Variants in KDM5A observed in about 807,000 individuals in gnomAD.
The protein encoded by KDM5A is lysine-specific demethylase 5A.
In KDM5A, 42 loss-of-function variants were observed where a neutral mutation model predicts 193.5. The ratio of observed to expected loss-of-function variants is 0.22; its 90% CI spans 0.17 to 0.28. The LOEUF is 0.28. KDM5A is among the 10% of genes least tolerant of loss of function. The probability of loss-of-function intolerance (pLI) is 1.00; values close to 1 mark genes in which losing one functional copy is unlikely to be tolerated. For synonymous variants in KDM5A, 796 were observed against 718.1 expected (o/e 1.11, Z -1.73); for missense variants, 1,692 against 2,055.1 (o/e 0.82, Z 3.42).
intron 24 of KDM5A, among the ~76,000 whole-genome samples, chr12:303,272 C>A (rs1943467738): frequency 6.6e-6 from 1 of 152,104 alleles, no homozygotes; most frequent in Non-Finnish European, 1.5e-5. Flanking sequence ...CAAATGCCCA[C>A]CAATGATAGA....
intron 10 of KDM5A, among the ~76,000 whole-genome samples, chr12:337,523 A>G (rs980302034): frequency 3.9e-5 from 6 of 152,244 alleles, no homozygotes; most frequent in Non-Finnish European, 8.8e-5. Flanking sequence ...ATTAGAAAAA[A>G]AGATGAGATC....
chr12:374,202 T>A (rs1471668739), intron 3 of KDM5A, among the ~76,000 whole-genome samples: 1 of 152,192 alleles, frequency 6.6e-6, no homozygotes, highest in Admixed American at 6.5e-5. Flanking sequence ...CCCATTATCA[T>A]TGTGTGGGAG....
intron 25 of KDM5A, among the ~76,000 whole-genome samples, chr12:296,450 ATAAAG>A (rs1943375606): frequency 6.6e-6 from 1 of 152,218 alleles, no homozygotes; most frequent in Admixed American, 6.5e-5. Flanking sequence ...TAAGCATTTA[ATAAAG>A]CATTTGGCTG....
Position 331,698 on chromosome 12 carries a change from T to G in KDM5A, c.1773+121A>C, listed in dbSNP as rs1166379579. On this transcript the variant is annotated intron_variant, in intron 13 of 27. Transcript: ENST00000399788. ...TTCTAAACTACAATAGCCACTCCAG[T>G]CTCCACTAAAATACTGATGAACCCG... The G allele has an allele frequency of 3.0e-6, 3 of 988,948 alleles. No homozygotes were observed. The Admixed American group carries it at 5.3e-5, about 17-fold the overall frequency. The allele number at this position is 988,948 out of a possible 1,614,324, so 61.3% of individuals were successfully genotyped here. A position where few individuals can be genotyped will look rare whatever the true frequency, so the allele number is the denominator to read the frequency against.
Position 325,290 on chromosome 12 carries a change from T to C in KDM5A, c.1969-1509A>G, listed in dbSNP as rs373313248. ...AAAGCTGTTCTCAAGGGAATGCTCA[T>C]GTGGCAACTGAGACACTTCTGGCTG... On this transcript the variant is annotated intron_variant, in intron 14 of 27. Transcript: ENST00000399788. Among the ~76,000 whole-genome samples, 5 of 152,352 alleles carry C rather than the reference T, an allele frequency of 3.3e-5. No individual in the cohort carries two copies. The East Asian group carries it at 7.7e-4, about 23-fold the overall frequency.
At chr12:325,085 C>T (rs1275272291) in intron 14 of KDM5A, among the ~76,000 whole-genome samples, 1 of 152,230 alleles carries the variant, frequency 6.6e-6, no homozygotes, top group Admixed American at 6.5e-5. Context: ...TTTCATCATA[C>T]ACTGTTTTTG....
At chr12:297,536 G>A (rs933333568) in intron 24 of KDM5A, among the ~76,000 whole-genome samples, 14 of 152,074 alleles carry the variant, frequency 9.2e-5, no homozygotes, top group South Asian at 2.1e-4. Flanking sequence ...ATTTTCACCC[G>A]GGTTTTCTAA....
At chr12:309,363 T>C (rs1473483824) in intron 22 of KDM5A, among the ~76,000 whole-genome samples, 1 of 152,244 alleles carries the variant, frequency 6.6e-6, no homozygotes, top group Non-Finnish European at 1.5e-5. Context: ...TTGGGGTCTT[T>C]ATTTTAAAAG....
chr12:293,318 A>T (rs1943324178), intron 26 of KDM5A, 149 bp from the exon 27 acceptor site: 1 of 669,654 alleles, frequency 1.5e-6, no homozygotes, highest in Non-Finnish European at 2.4e-6. Flanking sequence ...GAAGAAATGG[A>T]GATTTGTTTA....
intron 18 of KDM5A, among the ~76,000 whole-genome samples, chr12:318,876 C>CTCTGGT (rs1488897038): frequency 1.3e-5 from 2 of 152,066 alleles, no homozygotes; most frequent in Non-Finnish European, 2.9e-5. Context: ...CAGAGAATGA[C>CTCTGGT]CAGAGTGGGG....
chr12:317,603 G>C (rs1055098285), intron 19 of KDM5A, among the ~76,000 whole-genome samples: 2 of 152,198 alleles, frequency 1.3e-5, no homozygotes, highest in South Asian at 4.1e-4. Flanking sequence ...AGCCCCATTT[G>C]ATAACTTAGC....
chr12:372,373 A>G (rs1446084771), intron 3 of KDM5A, among the ~76,000 whole-genome samples: 6 of 152,154 alleles, frequency 3.9e-5, no homozygotes, highest in Non-Finnish European at 8.8e-5. Context: ...TGTGAATGGG[A>G]GTTCACTCAT....
chr12:365,970 G>A lies in KDM5A; in HGVS notation c.501C>T (p.Tyr167=), dbSNP rs1398458923. 1 of 1,613,972 alleles carries A rather than the reference G, an allele frequency of 6.2e-7. No individual in the cohort carries two copies. ...CACCAGACTGGAAAAGCTCATATGGGTAGAGAATTCTTTCATAATGTGACT... is the reference window on the plus strand; with the variant it reads ...CACCAGACTGGAAAAGCTCATATGGATAGAGAATTCTTTCATAATGTGACT... ...LLKSHYERIL[Y]PYELFQSGVS... Residue 167 remains tyrosine, a synonymous_variant, in exon 4 of 28, where the codon TAC becomes TAT. Coordinates refer to ENST00000399788, the MANE Select transcript of KDM5A (RefSeq NM_001042603.3).
chr12:311,198 GAATT>G (rs1943581672), intron 20 of KDM5A, 134 bp from the exon 21 acceptor site: 1 of 779,146 alleles, frequency 1.3e-6, no homozygotes, highest in Non-Finnish European at 2.1e-6. Flanking sequence ...TCCATCTCTT[GAATT>G]AATATAACTT....
intron 13 of KDM5A, among the ~76,000 whole-genome samples, chr12:330,828 G>A (rs1192377999): frequency 6.6e-6 from 1 of 152,104 alleles, no homozygotes; most frequent in Non-Finnish European, 1.5e-5. Flanking sequence ...AATAAATTAA[G>A]GTGCCAGCAG....
In KDM5A at chr12:363,004, T is replaced by A. The variant is rs754341654; in HGVS notation, c.631A>T (p.Met211Leu). ...TQTSPEPGTR[M>L]NILPKRTRRV... is the part of the protein sequence containing the mutation. ...CTTGTTCTCTTCGGCAGAATGTTCA[T>A]CCTTGTGCCTGGCTCTGGGGAAGTT... Residue 211 changes from methionine to leucine, a missense_variant, in exon 5 of 28, where the codon ATG becomes TTG. Physicochemically the swap from Met to Leu is conservative, Grantham distance 15. Coordinates refer to ENST00000399788, the MANE Select transcript of KDM5A (RefSeq NM_001042603.3). The A allele has an allele frequency of 6.2e-6, 10 of 1,614,212 alleles. 1 individual carries two copies. In the South Asian group the frequency reaches 1.1e-4, roughly 18 times the overall value.
At chr12:297,976 A>C (rs536647050) in intron 24 of KDM5A, among the ~76,000 whole-genome samples, 2 of 152,314 alleles carry the variant, frequency 1.3e-5, no homozygotes, top group East Asian at 3.9e-4. Flanking sequence ...CCTACAAAAA[A>C]ATTACTATTG....
chr12:330,471 A>G (rs149853570), intron 13 of KDM5A, among the ~76,000 whole-genome samples: 2,483 of 152,272 alleles, frequency 0.016, 31 homozygotes, highest in East Asian at 0.065. Flanking sequence ...ACTTAGGCCC[A>G]ATGAAATTTT....
At chr12:291,900 GC>G (rs142229184) in intron 27 of KDM5A, among the ~76,000 whole-genome samples, 5 of 144,800 alleles carry the variant, frequency 3.5e-5, no homozygotes, top group East Asian at 4.2e-4. Flanking sequence ...TTAAAACAAT[GC>G]TTTTTTTTTT....
Sources: allele counts gnomAD v4.1 joint callset (sites outside exome capture counted in the v4.1 genomes callset), GRCh38; gene constraint gnomAD v4.1.1; transcripts MANE v1.5; gene names NCBI Gene and HGNC (gene_info 2026-07-23, HGNC 2026-07-21).